KCNT2: variants seen among roughly 807,000 people sequenced by gnomAD.
KCNT2 encodes potassium sodium-activated channel subfamily T member 2, also known as potassium channel subfamily T member 2.
KCNT2 carries 67 observed loss-of-function variants against 153.8 expected under a neutral mutation model. The observed-to-expected ratio is 0.44, with a 90% CI of 0.36 to 0.53. The LOEUF is 0.53. Among genes scored for constraint, KCNT2 ranks in the 20% least tolerant of loss-of-function variants. The pLI is 0.00. For synonymous variants in KCNT2, 500 were observed against 458.8 expected, an observed-to-expected ratio of 1.09 and a Z score of -1.15; for missense variants, 975 against 1,354.8, an observed-to-expected ratio of 0.72 and a Z score of 4.40.
intron 27 of KCNT2, among the ~76,000 whole-genome samples, 189 bp downstream of exon 27, chr1:196,235,797 T>G (rs1270322118): frequency 1.3e-5 from 2 of 151,494 alleles, no homozygotes; most frequent in African/African-American, 4.8e-5. Context: ...TTTATACTGC[T>G]TTTAAACAAT....
chr1:196,392,256 G>A (rs1282319544), intron 13 of KCNT2, among the ~76,000 whole-genome samples: 1 of 150,936 alleles, frequency 6.6e-6, no homozygotes, highest in Non-Finnish European at 1.5e-5. Flanking sequence ...AAAATAGTGA[G>A]GAATGGCATA....
intron 26 of KCNT2, among the ~76,000 whole-genome samples, chr1:196,249,221 C>G (rs925338339): frequency 2.0e-4 from 30 of 152,024 alleles, no homozygotes; most frequent in Admixed American, 2.6e-4. Flanking sequence ...AACTGAAAGC[C>G]TTTTCTCTAA....
chr1:196,510,722 G>A (rs941295410), intron 1 of KCNT2, among the ~76,000 whole-genome samples: 5 of 152,154 alleles, frequency 3.3e-5, no homozygotes, highest in Non-Finnish European at 7.3e-5. Context: ...AGTAACAGCT[G>A]GATATTCTCC....
At chr1:196,435,822 C>T (rs146687005) in intron 8 of KCNT2, among the ~76,000 whole-genome samples, 53 of 151,788 alleles carry the variant, frequency 3.5e-4, no homozygotes, top group African/African-American at 1.1e-3. Flanking sequence ...GTCACTTTCA[C>T]ATTAAGTTTT....
At chr1:196,570,727 G>A (rs1308639851) in intron 1 of KCNT2, among the ~76,000 whole-genome samples, 1 of 152,082 alleles carries the variant, frequency 6.6e-6, no homozygotes, top group African/African-American at 2.4e-5. Context: ...TCTTAGGTGA[G>A]TAACTACTGT....
chr1:196,340,578 T>TA lies in KCNT2; in HGVS notation c.1554-9dup, dbSNP rs199610852. 1.2e-3 allele frequency: 1,774 copies of TA among 1,469,952 alleles called. 20 individuals are homozygous for TA. The East Asian group carries it at 0.031, about 26-fold the overall frequency. 91.1% of individuals were successfully genotyped at this position (1,469,952 alleles called of 1,614,324 possible). On this transcript the variant is annotated splice_polypyrimidine_tract_variant and intron_variant, in intron 15 of 27. Coordinates refer to ENST00000294725, the MANE Select transcript of KCNT2 (RefSeq NM_198503.5). ...ATCAAGCAGACGCCAAACCTTAATT[T>TA]AAAAAAAAAGAGAGTTTGTAAGAAA... is the stretch of plus-strand genomic sequence containing the variant.
chr1:196,302,443 A>G (rs1661271726), intron 22 of KCNT2, among the ~76,000 whole-genome samples: 1 of 152,156 alleles, frequency 6.6e-6, no homozygotes, highest in African/African-American at 2.4e-5. Flanking sequence ...ATTGCCTTAC[A>G]GTCATGGAGG....
chr1:196,272,592 A>G (rs1658172821), intron 25 of KCNT2, among the ~76,000 whole-genome samples: 1 of 151,928 alleles, frequency 6.6e-6, no homozygotes, highest in Non-Finnish European at 1.5e-5. Flanking sequence ...GAACAGATAG[A>G]GCTACAAACC....
intron 8 of KCNT2, among the ~76,000 whole-genome samples, chr1:196,440,678 T>C (rs1309104863): frequency 6.6e-6 from 1 of 151,966 alleles, no homozygotes; most frequent in Non-Finnish European, 1.5e-5. Context: ...TAAAGGAATT[T>C]AATAATGAAA....
intron 1 of KCNT2, among the ~76,000 whole-genome samples, chr1:196,530,998 A>C (rs1054047853): frequency 1.8e-4 from 27 of 152,118 alleles, no homozygotes; most frequent in Non-Finnish European, 1.5e-4. Context: ...TAGAAGGATG[A>C]ATCAGAAGCC....
rs578098714 is a variant in KCNT2 at position 196,589,382 on chromosome 1, C to T, written c.95+18833G>A. Among the ~76,000 whole-genome samples, 7 of 151,858 alleles carry T rather than the reference C, an allele frequency of 4.6e-5. No homozygotes were observed. In the South Asian group the frequency reaches 1.2e-3, roughly 27 times the overall value. On this transcript the variant is annotated intron_variant, in intron 1 of 27. Coordinates refer to ENST00000294725, the MANE Select transcript of KCNT2 (RefSeq NM_198503.5). ...TTTTAATGTTCTTGAAAGAATTTAA[C>T]GTAGTATTTGTAGTCTAGAGGTGTT...
intron 18 of KCNT2, among the ~76,000 whole-genome samples, chr1:196,329,286 G>A (rs180847157): frequency 9.5e-4 from 144 of 152,190 alleles, no homozygotes; most frequent in African/African-American, 3.2e-3. Context: ...CCTTCTATCA[G>A]TCTAATGCTA....
chr1:196,371,990 T>C (rs1208428593), intron 14 of KCNT2, among the ~76,000 whole-genome samples: 1 of 152,100 alleles, frequency 6.6e-6, no homozygotes, highest in African/African-American at 2.4e-5. Flanking sequence ...ACTTAATTGG[T>C]GTTAAAATAA....
chr1:196,593,463 C>A lies in KCNT2; in HGVS notation c.95+14752G>T, dbSNP rs186711798. Among the ~76,000 whole-genome samples, 5 of 151,596 alleles carry A rather than the reference C, an allele frequency of 3.3e-5. No individual in the cohort carries two copies. The East Asian group carries it at 9.7e-4, about 29-fold the overall frequency. Reference sequence around the variant, plus strand: ...TTGTGCTGCTATGAACATGCATGTGCAAGTATCTTTTTGTATAATGACTTC... The same window carrying A: ...TTGTGCTGCTATGAACATGCATGTGAAAGTATCTTTTTGTATAATGACTTC... On this transcript the variant is annotated intron_variant, in intron 1 of 27. Transcript: ENST00000294725.
At chr1:196,290,116 G>A (rs1186863458) in intron 22 of KCNT2, among the ~76,000 whole-genome samples, 1 of 151,628 alleles carries the variant, frequency 6.6e-6, no homozygotes, top group East Asian at 1.9e-4. Flanking sequence ...AATTTTATTG[G>A]CACAAATTAC....
chr1:196,313,079 T>C (rs1044652923), intron 21 of KCNT2, among the ~76,000 whole-genome samples: 4 of 151,586 alleles, frequency 2.6e-5, no homozygotes, highest in South Asian at 2.1e-4. Context: ...TAATTATCCA[T>C]TGAGGATTTC....
intron 8 of KCNT2, among the ~76,000 whole-genome samples, chr1:196,451,684 C>T (rs1676218778): frequency 6.6e-6 from 1 of 151,678 alleles, no homozygotes; most frequent in South Asian, 2.1e-4. Context: ...TTTTTTTACT[C>T]AATAAGACAC....
chr1:196,258,351 G>A lies in KCNT2; in HGVS notation c.3054C>T (p.Ala1018=). The A allele has an allele frequency of 6.2e-7, 1 of 1,613,922 alleles. No homozygotes were observed. Among genetic ancestry groups the A allele is most frequent in the South Asian group, 1.1e-5 (1 of 91,074 alleles). ...TTGGGCCTTTTCTGCTCAGTCTTCG[G>A]GCCCACTGCATGCTTTTTCTCCGCA... ...PLLRRKSMQW[A]RRLSRKGPKH... is the part of the protein sequence containing the mutation. The change falls in exon 26 of 28, where the codon GCC becomes GCT. Residue 1018 remains alanine (A), a synonymous_variant. Transcript: ENST00000294725.
chr1:196,382,602 T>C (rs1013396650), intron 13 of KCNT2, among the ~76,000 whole-genome samples: 1 of 151,912 alleles, frequency 6.6e-6, no homozygotes, highest in African/African-American at 2.4e-5. Flanking sequence ...TATGAGGTAA[T>C]TGGGCACTCA....
Sources: gnomAD v4.1 joint callset for allele counts (sites outside exome capture counted in the v4.1 genomes callset) on GRCh38, gnomAD v4.1.1 for gene constraint, MANE v1.5 for transcripts, NCBI Gene and HGNC (gene_info 2026-07-23, HGNC 2026-07-21) for gene names.